Variants in TRIP6 observed in about 807,000 individuals in gnomAD.
The protein encoded by TRIP6 is thyroid hormone receptor interactor 6.
Under a neutral mutation model 51.9 loss-of-function variants are expected in TRIP6, and 33 were observed. That is an observed-to-expected ratio of 0.64 (90% CI 0.48 to 0.85). The LOEUF (loss-of-function observed/expected upper bound fraction) is 0.85. TRIP6 is among the 40% of genes least tolerant of loss of function. TRIP6 has a pLI of 0.00. For synonymous variants in TRIP6, 255 were observed against 275.8 expected (o/e 0.92, Z 0.75); for missense variants, 661 against 652.1 (o/e 1.01, Z -0.15).
chr7:100,872,181 GTTTTTTTTTTTT>G (rs34239953), intron 7 of TRIP6, among the ~76,000 whole-genome samples: 3 of 95,586 alleles, frequency 3.1e-5, no homozygotes, highest in East Asian at 6.4e-4. Context: ...CGCCTGGCTA[GTTTTTTTTTTTT>G]TTTTTTTTTT....
At position 100,867,637 on chromosome 7, in the gene TRIP6, A is replaced by G. The variant is rs1815169358; in HGVS notation, c.109+31A>G. On this transcript the variant is annotated intron_variant, in intron 1 of 8. Coordinates refer to ENST00000200457, the MANE Select transcript of TRIP6 (RefSeq NM_003302.3). The surrounding 1 kb of genome is among the most constrained non-coding windows in gnomAD (Gnocchi z 5.4). ...GCAGCCCTTGTGAGACAGAAGAGCC[A>G]CCCAGCTGTGGCGCTCACCTCTGTC... 2.5e-5 allele frequency: 38 copies of G among 1,550,406 alleles called. No individual in the cohort carries two copies. Among genetic ancestry groups the G allele is most frequent in the Non-Finnish European group, 3.2e-5 (37 of 1,151,266 alleles).
Position 100,868,624 on chromosome 7 carries a change from G to A in TRIP6, c.493G>A (p.Gly165Ser). Reference sequence around the variant, plus strand: ...TTACACTACCGCCAGCACCCCGGCTGGCCCAGCCTTCCCCGTGCAAGTGAA... The same window carrying A: ...TTACACTACCGCCAGCACCCCGGCTAGCCCAGCCTTCCCCGTGCAAGTGAA... ...ASYTTASTPA[G>S]PAFPVQVKVA... is the part of the protein sequence containing the mutation. The change falls in exon 4 of 9, where the codon GGC becomes AGC. Residue 165 changes from glycine to serine, a missense_variant. Physicochemically the swap from Gly to Ser is moderately conservative, Grantham distance 56 (BLOSUM62 0). Coordinates refer to ENST00000200457, the MANE Select transcript of TRIP6 (RefSeq NM_003302.3). 6.2e-7 allele frequency: 1 copy of A among 1,612,510 alleles called. No homozygotes were observed. Among genetic ancestry groups the A allele is most frequent in the South Asian group, 1.1e-5 (1 of 91,028 alleles).
chr7:100,868,916 G>C (rs201624785), intron 4 of TRIP6, 50 bp downstream of exon 4: 1 of 1,446,680 alleles, frequency 6.9e-7, no homozygotes, highest in Non-Finnish European at 9.1e-7. Flanking sequence ...ATGGGACACC[G>C]ACTGGGTGGG....
chr7:100,873,037 G>A lies in TRIP6; in HGVS notation c.1300-135G>A, dbSNP rs571843100. ...GGCTAATTTTTGTATTTTTAGTAGA[G>A]ACAGGGTTTCACCATATTGGCCAGG... On this transcript the variant is annotated intron_variant, in intron 8 of 8. Transcript: ENST00000200457. The A allele has an allele frequency of 1.5e-3, 1,934 of 1,301,624 alleles. 2 individuals carry two copies. Among genetic ancestry groups the A allele is most frequent in the Non-Finnish European group, 1.9e-3 (1,863 of 978,338 alleles). The allele number at this position is 1,301,624 out of a possible 1,614,324, so 80.6% of individuals were successfully genotyped here. A position where few individuals can be genotyped will look rare whatever the true frequency, so the allele number is the denominator to read the frequency against.
At chr7:100,869,518 G>A (rs1015810286) in intron 4 of TRIP6, among the ~76,000 whole-genome samples, 1 of 150,262 alleles carries the variant, frequency 6.7e-6, no homozygotes, top group Non-Finnish European at 1.5e-5. Flanking sequence ...TGTAATCCCA[G>A]CTACTCGGGA....
At chr7:100,870,905 A>G (rs1815255564) in intron 6 of TRIP6, 162 bp downstream of exon 6, 2 of 992,646 alleles carry the variant, frequency 2.0e-6, no homozygotes, top group Admixed American at 4.8e-5. Flanking sequence ...GTATCAAGCA[A>G]GTAGCTTAAC....
At chr7:100,872,602 T>C (rs1815296894) in intron 7 of TRIP6, 22 bp from the exon 8 acceptor site, 3 of 1,613,642 alleles carry the variant, frequency 1.9e-6, no homozygotes, top group African/African-American at 1.3e-5. Flanking sequence ...TTGATGGCCT[T>C]CTTGGTTCTC....
At chr7:100,869,322 C>T (rs530896748) in intron 4 of TRIP6, among the ~76,000 whole-genome samples, 5 of 150,368 alleles carry the variant, frequency 3.3e-5, no homozygotes, top group East Asian at 2.0e-4. Flanking sequence ...CAGGGCAGTG[C>T]GGGGGAGCAG....
rs1287443745 is a variant in TRIP6, at chr7:100,870,718, G to C, written c.974G>C (p.Arg325Thr). 5.6e-6 allele frequency: 9 copies of C among 1,613,692 alleles called. No homozygotes were observed. The highest frequency in any genetic ancestry group is 7.6e-6 in the Non-Finnish European group (9 of 1,179,710). The change falls in exon 6 of 9, where the codon AGG becomes ACG. Residue 325 changes from arginine to threonine, a missense_variant. Transcript: ENST00000200457. ...CAGCATTTCTACGCCGTGGAGAGGA[G>C]GGCATATTGCGAGGGCTGCTACGTG... Reference protein sequence around the residue: ...RGQHFYAVERRAYCEGCYVAT... With the variant: ...RGQHFYAVERTAYCEGCYVAT...
At chr7:100,872,159 C>T (rs1474091920) in intron 7 of TRIP6, among the ~76,000 whole-genome samples, 2 of 148,922 alleles carry the variant, frequency 1.3e-5, no homozygotes, top group African/African-American at 2.5e-5. Flanking sequence ...GGATTACGGG[C>T]GCATGCCACC....
At chr7:100,869,315 G>A (rs961138648) in intron 4 of TRIP6, among the ~76,000 whole-genome samples, 16 of 151,726 alleles carry the variant, frequency 1.1e-4, no homozygotes. Flanking sequence ...GTAAGGGCAG[G>A]GCAGTGCGGG....
intron 8 of TRIP6, 105 bp downstream of exon 8, chr7:100,872,849 TTTC>T (rs1442701247): frequency 1.8e-4 from 263 of 1,448,904 alleles, no homozygotes; most frequent in Middle Eastern, 1.6e-3. Context: ...CTGTTGCTTC[TTTC>T]TTTTTTTTTT....
chr7:100,872,902 G>A (rs561327646), intron 8 of TRIP6, 158 bp downstream of exon 8: 20 of 1,260,522 alleles, frequency 1.6e-5, no homozygotes, highest in South Asian at 6.4e-5. Context: ...CCAGGCTGGA[G>A]TGCAGTGGCA....
intron 8 of TRIP6, 26 bp from the exon 9 acceptor site, chr7:100,873,146 G>A (rs1815310971): frequency 1.9e-6 from 3 of 1,603,636 alleles, no homozygotes; most frequent in Admixed American, 1.7e-5. Context: ...ATCGCGCCCG[G>A]CCAATTGTTG....
At chr7:100,870,835 G>A in intron 6 of TRIP6, 92 bp downstream of exon 6, 2 of 1,475,956 alleles carry the variant, frequency 1.4e-6, no homozygotes, top group Non-Finnish European at 1.8e-6. Flanking sequence ...GACCAAAGGA[G>A]GAACGGTGCT....
At chr7:100,868,471 C>T in intron 3 of TRIP6, 24 bp from the exon 4 acceptor site, 1 of 1,613,018 alleles carries the variant, frequency 6.2e-7, no homozygotes, top group East Asian at 2.2e-5. Flanking sequence ...TTGCTTACGA[C>T]TTCTGGCCTG....
Position 100,872,677 on chromosome 7 carries a change from G to T in TRIP6, c.1232G>T (p.Gly411Val), listed in dbSNP as rs2115634721. 1 of 1,614,098 alleles carries T rather than the reference G, an allele frequency of 6.2e-7. No homozygotes were observed. The highest frequency in any genetic ancestry group is 2.2e-5 in the East Asian group (1 of 44,876). Reference sequence around the variant, plus strand: ...GGTGGGGCCATAATGCCTGAGCCAGGTCAGGAGGAGACTGTGAGAATTGTT... The same window carrying T: ...GGTGGGGCCATAATGCCTGAGCCAGTTCAGGAGGAGACTGTGAGAATTGTT... ...VCGGAIMPEPGQEETVRIVAL... is the reference protein window; with the variant it reads ...VCGGAIMPEPVQEETVRIVAL... Residue 411 changes from glycine (G) to valine (V), a missense_variant, in exon 8 of 9, where the codon GGT (glycine) becomes GTT (valine). Gly to Val is a moderately radical substitution (Grantham distance 109). Coordinates refer to ENST00000200457, the MANE Select transcript of TRIP6 (RefSeq NM_003302.3).
intron 4 of TRIP6, among the ~76,000 whole-genome samples, chr7:100,869,969 C>T (rs1407725644): frequency 1.3e-5 from 2 of 151,728 alleles, no homozygotes; most frequent in Non-Finnish European, 2.9e-5. Context: ...TATACCGAAA[C>T]AATTATACAA....
At chr7:100,872,181 G>GTTTTTTTTTTTT (rs34239953) in intron 7 of TRIP6, among the ~76,000 whole-genome samples, 102 of 95,566 alleles carry the variant, frequency 1.1e-3, no homozygotes, top group Admixed American at 1.2e-3. Flanking sequence ...CGCCTGGCTA[G>GTTTTTTTTTTTT]TTTTTTTTTT....
Sources: allele counts gnomAD v4.1 joint callset (sites outside exome capture counted in the v4.1 genomes callset), GRCh38; gene constraint gnomAD v4.1.1; non-coding constraint Gnocchi (gnomAD v3.1); transcripts MANE v1.5; gene names NCBI Gene and HGNC (gene_info 2026-07-23, HGNC 2026-07-21).